The following LRBA variants were observed in gnomAD, a reference collection of about 807,000 sequenced individuals.
LRBA encodes LPS responsive beige-like anchor protein.
Under a neutral mutation model 330.0 loss-of-function variants are expected in LRBA, and 176 were observed. The ratio of observed to expected loss-of-function variants is 0.53; its 90% CI spans 0.47 to 0.60. LRBA has a LOEUF of 0.60. Among genes scored for constraint, LRBA ranks in the 20% least tolerant of loss-of-function variants. LRBA has a pLI of 0.00. For synonymous variants in LRBA, 1,230 were observed against 1,193.0 expected, an observed-to-expected ratio of 1.03 and a Z score of -0.64; for missense variants, 3,259 against 3,444.8, an observed-to-expected ratio of 0.95 and a Z score of 1.35.
intron 2 of LRBA, among the ~76,000 whole-genome samples, chr4:150,967,062 T>C (rs1240952325): frequency 6.6e-6 from 1 of 152,200 alleles, no homozygotes; most frequent in African/African-American, 2.4e-5. Context: ...ACACTGGTTT[T>C]TAATAAAAGT....
chr4:150,531,738 A>G (rs1021918512), intron 40 of LRBA, among the ~76,000 whole-genome samples: 1 of 152,200 alleles, frequency 6.6e-6, no homozygotes. Flanking sequence ...AAAAGTACCA[A>G]TACAAAATAT....
chr4:150,787,292 T>C (rs1393560544), intron 34 of LRBA, among the ~76,000 whole-genome samples: 1 of 152,210 alleles, frequency 6.6e-6, no homozygotes, highest in Non-Finnish European at 1.5e-5. Flanking sequence ...TAAACAGTAC[T>C]GCATAGTTTT....
chr4:150,833,429 C>T (rs1009775257), intron 28 of LRBA, among the ~76,000 whole-genome samples: 1 of 151,946 alleles, frequency 6.6e-6, no homozygotes, highest in Non-Finnish European at 1.5e-5. Flanking sequence ...TCAGATAAAT[C>T]CAGGCATACC....
chr4:150,354,124 A>G (rs1482023473), intron 47 of LRBA, among the ~76,000 whole-genome samples: 1 of 152,122 alleles, frequency 6.6e-6, no homozygotes, highest in African/African-American at 2.4e-5. Flanking sequence ...TACAAACAGA[A>G]TGTAATTCAA....
chr4:150,359,477 C>T (rs1259229706), intron 47 of LRBA, among the ~76,000 whole-genome samples: 2 of 152,080 alleles, frequency 1.3e-5, no homozygotes, highest in Non-Finnish European at 2.9e-5. Context: ...CAACTGATTA[C>T]CAGTGTGAGG....
intron 30 of LRBA, among the ~76,000 whole-genome samples, chr4:150,825,244 A>T (rs538756394): frequency 1.1e-4 from 17 of 152,374 alleles, no homozygotes; most frequent in East Asian, 3.9e-4. Context: ...ACATTAATGC[A>T]TACTGTACTA....
At chr4:150,797,367 T>A (rs1359259066) in intron 34 of LRBA, among the ~76,000 whole-genome samples, 1 of 151,702 alleles carries the variant, frequency 6.6e-6, no homozygotes, top group African/African-American at 2.4e-5. Flanking sequence ...ATTTTAAAGT[T>A]TTAAGTGGGG....
chr4:150,385,543 A>G (rs925916259), intron 47 of LRBA, among the ~76,000 whole-genome samples: 1 of 152,168 alleles, frequency 6.6e-6, no homozygotes, highest in African/African-American at 2.4e-5. Flanking sequence ...ATAAAAGGAG[A>G]GTCAAGGAAA....
chr4:150,437,446 T>C (rs934867110), intron 44 of LRBA, among the ~76,000 whole-genome samples: 13 of 150,560 alleles, frequency 8.6e-5, no homozygotes, highest in African/African-American at 3.2e-4. Context: ...TATATACATA[T>C]ATATGTATAT....
intron 37 of LRBA, among the ~76,000 whole-genome samples, chr4:150,654,047 T>C (rs1381980809): frequency 6.6e-6 from 1 of 152,224 alleles, no homozygotes. Context: ...AATTTGCCTC[T>C]ATGTAGTATA....
At chr4:150,578,221 T>G (rs901466705) in intron 40 of LRBA, among the ~76,000 whole-genome samples, 1 of 152,238 alleles carries the variant, frequency 6.6e-6, no homozygotes, top group African/African-American at 2.4e-5. Context: ...AATCTAATAC[T>G]GTATTATTAT....
At chr4:150,762,922 C>T (rs553149429) in intron 34 of LRBA, among the ~76,000 whole-genome samples, 2 of 152,008 alleles carry the variant, frequency 1.3e-5, no homozygotes, top group African/African-American at 4.8e-5. Flanking sequence ...CGTTCCACTC[C>T]AAATTCTTTT....
intron 37 of LRBA, among the ~76,000 whole-genome samples, chr4:150,661,740 A>G (rs1322293397): frequency 6.6e-6 from 1 of 151,864 alleles, no homozygotes; most frequent in African/African-American, 2.4e-5. Context: ...CTTCCTGTGT[A>G]GCTGGGATTA....
intron 35 of LRBA, 29 bp from the exon 36 acceptor site, chr4:150,735,395 T>C (rs1008644487): frequency 1.5e-6 from 2 of 1,338,246 alleles, no homozygotes; most frequent in South Asian, 2.3e-5. Flanking sequence ...ATCAAATAAA[T>C]ATATGTATAC....
chr4:150,873,802 T>C (rs572843789), intron 17 of LRBA, among the ~76,000 whole-genome samples: 22 of 152,290 alleles, frequency 1.4e-4, no homozygotes, highest in African/African-American at 5.3e-4. Context: ...TTTAGTAAGT[T>C]AGAAAACATT....
At chr4:150,726,275 CAT>C (rs1729655729) in intron 36 of LRBA, among the ~76,000 whole-genome samples, 1 of 152,154 alleles carries the variant, frequency 6.6e-6, no homozygotes, top group African/African-American at 2.4e-5. Context: ...TAAAGTTACA[CAT>C]AGACTGAAGA....
At chr4:150,391,346 TA>T (rs1743897582) in intron 47 of LRBA, among the ~76,000 whole-genome samples, 1 of 152,214 alleles carries the variant, frequency 6.6e-6, no homozygotes, top group African/African-American at 2.4e-5. Flanking sequence ...CATGTCCATT[TA>T]ACCACTACTT....
intron 32 of LRBA, among the ~76,000 whole-genome samples, chr4:150,807,106 T>C (rs920776813): frequency 6.6e-6 from 1 of 151,558 alleles, no homozygotes; most frequent in African/African-American, 2.4e-5. Flanking sequence ...AATGAGGGTT[T>C]TTTTTTTAAG....
At chr4:150,924,682 T>C (rs1733697050) in intron 4 of LRBA, among the ~76,000 whole-genome samples, 1 of 152,196 alleles carries the variant, frequency 6.6e-6, no homozygotes. Context: ...ACTGCACTGC[T>C]ATAACAGCAA....
Sources: gnomAD v4.1 joint callset for allele counts (sites outside exome capture counted in the v4.1 genomes callset) on GRCh38, gnomAD v4.1.1 for gene constraint, MANE v1.5 for transcripts, NCBI Gene and HGNC (gene_info 2026-07-23, HGNC 2026-07-21) for gene names.